LUZP2: variants seen among roughly 807,000 people sequenced by gnomAD.
The protein encoded by LUZP2 is leucine zipper protein 2.
In LUZP2, 52 loss-of-function variants were observed where a neutral mutation model predicts 51.6. The observed-to-expected ratio is 1.01, with a 90% CI of 0.81 to 1.27. LUZP2 has a LOEUF of 1.27. LUZP2 is among the 50% of genes most tolerant of loss of function. LUZP2 has a pLI of 0.00. For synonymous variants in LUZP2, 154 were observed against 137.3 expected, an observed-to-expected ratio of 1.12 and a Z score of -0.85; for missense variants, 436 against 395.4, an observed-to-expected ratio of 1.10 and a Z score of -0.87.
chr11:24,688,137 GAAACATTCTGAAAGAGAAACAACAA>G (rs1856953221), intron 1 of LUZP2, among the ~76,000 whole-genome samples: 2 of 152,046 alleles, frequency 1.3e-5, no homozygotes. Context: ...AATAACAAGA[GAAACATTCTGAAAGAGAAACAACAA>G]AAACAAGCAT....
chr11:24,579,289 A>G (rs1331594334), intron 1 of LUZP2, among the ~76,000 whole-genome samples: 1 of 152,086 alleles, frequency 6.6e-6, no homozygotes, highest in Admixed American at 6.6e-5. Flanking sequence ...AAAGTTATTA[A>G]TTTTTCTTGA....
chr11:25,058,681 G>A (rs1159966848), intron 10 of LUZP2, among the ~76,000 whole-genome samples: 2 of 152,184 alleles, frequency 1.3e-5, no homozygotes, highest in Non-Finnish European at 2.9e-5. Flanking sequence ...GGTTCAGAGA[G>A]GGAAGGTGAC....
At chr11:24,652,090 TTGTGCATG>T (rs1445653350) in intron 1 of LUZP2, among the ~76,000 whole-genome samples, 7 of 125,488 alleles carry the variant, frequency 5.6e-5, no homozygotes, top group Non-Finnish European at 1.2e-4. Flanking sequence ...TGTACACATG[TTGTGCATG>T]TGTGTATATG....
intron 5 of LUZP2, chr11:24,892,283 A>G (rs1385650071): frequency 1.2e-5 from 12 of 985,308 alleles, no homozygotes; most frequent in African/African-American, 3.5e-5. Flanking sequence ...TGCTATAGGA[A>G]GGAGCACCTG....
chr11:24,614,288 A>T (rs925961293), intron 1 of LUZP2, among the ~76,000 whole-genome samples: 3 of 151,914 alleles, frequency 2.0e-5, no homozygotes. Flanking sequence ...TTGTTAATCA[A>T]CTTCTTTGTA....
At chr11:24,875,505 T>C (rs1361233976) in intron 5 of LUZP2, among the ~76,000 whole-genome samples, 1 of 141,462 alleles carries the variant, frequency 7.1e-6, no homozygotes, top group African/African-American at 2.6e-5. Flanking sequence ...TCTATCATTG[T>C]TGGACATTTG....
At chr11:24,820,069 A>G (rs74772304) in intron 5 of LUZP2, among the ~76,000 whole-genome samples, 124 of 152,292 alleles carry the variant, frequency 8.1e-4, no homozygotes, top group African/African-American at 2.9e-3. Flanking sequence ...AAGAAAAATA[A>G]CAGTCTGTAT....
chr11:24,817,998 T>C lies in LUZP2; in HGVS notation c.396+54690T>C, dbSNP rs370423007. ...CTTATGAATTAGTTCTTTAGAAATATAGCAAGCATGGGGCATCTTGTAATC... is the reference window on the plus strand; with the variant it reads ...CTTATGAATTAGTTCTTTAGAAATACAGCAAGCATGGGGCATCTTGTAATC... On this transcript the variant is annotated intron_variant, in intron 5 of 11. Coordinates refer to ENST00000336930, the MANE Select transcript of LUZP2 (RefSeq NM_001009909.4). Among the ~76,000 whole-genome samples, 180 of 152,228 alleles carry C rather than the reference T, an allele frequency of 1.2e-3. 2 individuals are homozygous for C. The South Asian group carries it at 0.021, about 18-fold the overall frequency.
At chr11:24,503,877 TAAAAAC>T (rs910173514) in intron 1 of LUZP2, among the ~76,000 whole-genome samples, 33 of 152,226 alleles carry the variant, frequency 2.2e-4, no homozygotes, top group African/African-American at 7.7e-4. Flanking sequence ...TAAAATAACT[TAAAAAC>T]AAATTGTTGC....
chr11:24,950,790 A>T (rs1855052656), intron 7 of LUZP2, among the ~76,000 whole-genome samples: 1 of 151,650 alleles, frequency 6.6e-6, no homozygotes, highest in Admixed American at 6.6e-5. Context: ...GACATAGTGA[A>T]ATATTTTAGT....
intron 1 of LUZP2, among the ~76,000 whole-genome samples, chr11:24,602,280 A>ATGTGTATATATG (rs1491119402): frequency 7.1e-5 from 6 of 84,042 alleles, no homozygotes; most frequent in African/African-American, 3.1e-4. Context: ...ATACATATAT[A>ATGTGTATATATG]CACACATATA....
intron 7 of LUZP2, among the ~76,000 whole-genome samples, chr11:24,970,152 G>T (rs762490568): frequency 2.6e-5 from 4 of 152,050 alleles, no homozygotes; most frequent in Admixed American, 6.6e-5. Context: ...GGAGCCAACA[G>T]CATTACTTTT....
chr11:24,988,439 T>C (rs1023211249), intron 9 of LUZP2, among the ~76,000 whole-genome samples: 1 of 151,976 alleles, frequency 6.6e-6, no homozygotes, highest in African/African-American at 2.4e-5. Flanking sequence ...GAAGTTGTAG[T>C]TCAGAGATAA....
At chr11:25,015,966 G>T (rs1296329122) in intron 9 of LUZP2, among the ~76,000 whole-genome samples, 1 of 149,914 alleles carries the variant, frequency 6.7e-6, no homozygotes, top group Non-Finnish European at 1.5e-5. Context: ...TGTCACCCAG[G>T]CTGGAGTGCA....
intron 1 of LUZP2, among the ~76,000 whole-genome samples, chr11:24,626,759 A>G (rs1274181891): frequency 1.4e-5 from 2 of 145,838 alleles, no homozygotes; most frequent in African/African-American, 5.3e-5. Context: ...TACTGAGAAG[A>G]TAGTATTTTT....
At chr11:24,572,657 T>TGGA (rs1392245220) in intron 1 of LUZP2, among the ~76,000 whole-genome samples, 1 of 152,060 alleles carries the variant, frequency 6.6e-6, no homozygotes, top group East Asian at 1.9e-4. Context: ...GGGTGAAGCC[T>TGGA]GGAGACTGTG....
intron 1 of LUZP2, among the ~76,000 whole-genome samples, chr11:24,565,446 C>G (rs1215374735): frequency 6.6e-6 from 1 of 152,056 alleles, no homozygotes; most frequent in Non-Finnish European, 1.5e-5. Flanking sequence ...AGGGACAAAG[C>G]AGTCTAATCT....
chr11:24,878,772 C>T (rs953329091), intron 5 of LUZP2, among the ~76,000 whole-genome samples: 4 of 151,540 alleles, frequency 2.6e-5, no homozygotes, highest in African/African-American at 4.8e-5. Flanking sequence ...CCTCCTTTTG[C>T]CCCCCACACC....
chr11:24,818,489 G>C (rs1203985254), intron 5 of LUZP2, among the ~76,000 whole-genome samples: 2 of 151,940 alleles, frequency 1.3e-5, no homozygotes, highest in African/African-American at 4.8e-5. Flanking sequence ...GCACGGCGGG[G>C]CTGCAATTCT....
Sources: gnomAD v4.1 joint callset for allele counts (sites outside exome capture counted in the v4.1 genomes callset) on GRCh38, gnomAD v4.1.1 for gene constraint, MANE v1.5 for transcripts, NCBI Gene and HGNC (gene_info 2026-07-23, HGNC 2026-07-21) for gene names.